ATXN10: variants seen among roughly 807,000 people sequenced by gnomAD.
The protein encoded by ATXN10 is ataxin-10.
Under a neutral mutation model 52.9 loss-of-function variants are expected in ATXN10, and 28 were observed. The observed-to-expected ratio is 0.53, with a 90% CI of 0.39 to 0.73. The LOEUF is 0.73. ATXN10 is among the 30% of genes least tolerant of loss of function. The pLI is 0.00. For missense variants in ATXN10, 565 were observed against 577.0 expected (o/e 0.98, Z 0.21); for synonymous variants, 226 against 221.5 (o/e 1.02, Z -0.18).
chr22:45,788,389 T>A (rs895462632), intron 9 of ATXN10, among the ~76,000 whole-genome samples: 1 of 151,668 alleles, frequency 6.6e-6, no homozygotes, highest in South Asian at 2.1e-4. Flanking sequence ...ATCTTCCAGT[T>A]GTTTCTTTCT....
intron 3 of ATXN10, among the ~76,000 whole-genome samples, chr22:45,693,449 C>T (rs1449138144): frequency 6.6e-6 from 1 of 152,144 alleles, no homozygotes; most frequent in South Asian, 2.1e-4. Context: ...TAGATGGTGC[C>T]TCTTGCTTTG....
intron 9 of ATXN10, among the ~76,000 whole-genome samples, chr22:45,804,860 G>T (rs1438966976): frequency 6.6e-6 from 1 of 151,784 alleles, no homozygotes; most frequent in Non-Finnish European, 1.5e-5. Flanking sequence ...TTTGTTTTTG[G>T]TTTAACCTTC....
intron 9 of ATXN10, among the ~76,000 whole-genome samples, chr22:45,743,207 A>C (rs2146806299): frequency 6.6e-6 from 1 of 152,336 alleles, no homozygotes; most frequent in Non-Finnish European, 1.5e-5. Flanking sequence ...GGTATGAAGG[A>C]GTTCATTCTT....
In ATXN10 at chr22:45,682,095, A is replaced by G. The variant is rs375444184; in HGVS notation, c.117-7617A>G. Among the ~76,000 whole-genome samples the G allele has an allele frequency of 1.1e-4, 17 of 152,160 alleles. No homozygotes were observed. The East Asian group carries it at 1.9e-3, about 17-fold the overall frequency. ...AAAAATCATCAGTTTTACCCTTTCT[A>G]TTGGATTGCACTCATCAGTTTATAG... On this transcript the variant is annotated intron_variant, in intron 1 of 11. Transcript: ENST00000252934.
At chr22:45,812,282 C>G (rs1928307005) in intron 10 of ATXN10, among the ~76,000 whole-genome samples, 1 of 152,200 alleles carries the variant, frequency 6.6e-6, no homozygotes, top group African/African-American at 2.4e-5. Flanking sequence ...TGGATTGCTT[C>G]CTAAGGGCAG....
chr22:45,782,141 A>G (rs1163399340), intron 9 of ATXN10, among the ~76,000 whole-genome samples: 3 of 152,214 alleles, frequency 2.0e-5, no homozygotes, highest in Non-Finnish European at 4.4e-5. Flanking sequence ...TCATGATCCT[A>G]TTAACCCATC....
chr22:45,704,804 A>G (rs1335002398), intron 5 of ATXN10, among the ~76,000 whole-genome samples: 1 of 152,126 alleles, frequency 6.6e-6, no homozygotes, highest in East Asian at 1.9e-4. Context: ...GGAAATTCCA[A>G]TACAATGTTG....
At chr22:45,729,065 A>G (rs947658335) in intron 6 of ATXN10, among the ~76,000 whole-genome samples, 1 of 152,224 alleles carries the variant, frequency 6.6e-6, no homozygotes, top group Admixed American at 6.5e-5. Flanking sequence ...AGCTCCGTAG[A>G]AAATGGTGAA....
rs1169560113 is a variant in ATXN10 at position 45,688,597 on chromosome 22, G to A, written c.117-1115G>A. ...GGAAAGACGTGTTTCCTCTGCCCCCGGAAAAGGGGCTTCCATAGGTGTCTT... is the reference window on the plus strand; with the variant it reads ...GGAAAGACGTGTTTCCTCTGCCCCCAGAAAAGGGGCTTCCATAGGTGTCTT... On this transcript the variant is annotated intron_variant, in intron 1 of 11. Coordinates refer to ENST00000252934, the MANE Select transcript of ATXN10 (RefSeq NM_013236.4). The surrounding 1 kb of genome is among the most constrained non-coding windows in gnomAD (Gnocchi z 4.0). 4.6e-5 allele frequency among the ~76,000 whole-genome samples: 7 copies of A among 152,196 alleles called. No individual in the cohort carries two copies. Among genetic ancestry groups the A allele is most frequent in the Non-Finnish European group, 7.3e-5 (5 of 68,028 alleles).
rs1277101773 is a variant in ATXN10, at chr22:45,733,612, T to C, written c.894+4022T>C. 6.6e-6 allele frequency among the ~76,000 whole-genome samples: 1 copy of C among 152,114 alleles called. No homozygotes were observed. Among genetic ancestry groups the C allele is most frequent in the Admixed American group, 6.5e-5 (1 of 15,274 alleles). On this transcript the variant is annotated intron_variant, in intron 7 of 11. Transcript: ENST00000252934. The surrounding 1 kb of genome is among the most constrained non-coding windows in gnomAD (Gnocchi z 4.4). The stretch of plus-strand genomic sequence containing the variant: ...TTAGCCGGGTGTGGTGGCGGATGCC[T>C]GTAATCCCAGCTACTCGGGAGGCTG...
At chr22:45,793,732 G>A in intron 9 of ATXN10, 1 of 1,449,866 alleles carries the variant, frequency 6.9e-7, no homozygotes, top group Non-Finnish European at 9.1e-7. Flanking sequence ...CTACTGAGGA[G>A]CTCTTGCCAC....
chr22:45,725,250 G>A (rs1448842499), intron 6 of ATXN10, among the ~76,000 whole-genome samples: 1 of 152,068 alleles, frequency 6.6e-6, no homozygotes. Flanking sequence ...TTGGGCATAT[G>A]ATCATTTTAA....
Position 45,840,850 on chromosome 22 carries a change from C to T in ATXN10, c.1238-2141C>T, listed in dbSNP as rs1929324058. Among the ~76,000 whole-genome samples, 1 of 152,188 alleles carries T rather than the reference C, an allele frequency of 6.6e-6. No homozygotes were observed. Among genetic ancestry groups the T allele is most frequent in the African/African-American group, 2.4e-5 (1 of 41,444 alleles). ...AGGAGTGTTATGCTTCTTTCATTTA[C>T]CATTAGAGAGTTATACTCATGAACA... On this transcript the variant is annotated intron_variant, in intron 10 of 11. Coordinates refer to ENST00000252934, the MANE Select transcript of ATXN10 (RefSeq NM_013236.4). The surrounding 1 kb of genome is among the most constrained non-coding windows in gnomAD (Gnocchi z 5.8).
rs540839182 is a variant in ATXN10, at chr22:45,680,610, C to T, written c.116+8431C>T. ...TGCAGTGGTGCCATCACAGCGCCAC[C>T]ATGCCCCGCTAATTAAAAATTTTTT... On this transcript the variant is annotated intron_variant, in intron 1 of 11. Transcript: ENST00000252934. 9.9e-5 allele frequency among the ~76,000 whole-genome samples: 15 copies of T among 151,964 alleles called. No individual in the cohort carries two copies. In the South Asian group the frequency reaches 3.1e-3, roughly 32 times the overall value.
chr22:45,699,407 T>C (rs1295263219), intron 3 of ATXN10, among the ~76,000 whole-genome samples: 1 of 152,072 alleles, frequency 6.6e-6, no homozygotes, highest in East Asian at 1.9e-4. Context: ...CTGTTGGCTT[T>C]TTGCATGTTC....
Position 45,805,064 on chromosome 22 carries a change from A to G in ATXN10, c.1174-1895A>G, listed in dbSNP as rs1278775700. On this transcript the variant is annotated intron_variant, in intron 9 of 11. Coordinates refer to ENST00000252934, the MANE Select transcript of ATXN10 (RefSeq NM_013236.4). The surrounding 1 kb of genome is among the most constrained non-coding windows in gnomAD (Gnocchi z 4.4). ...GTTTGTACCGTAGTTTATGTAAGCA[A>G]CCCCCATTCGTGGAGACTTGAGTTG... 6.6e-6 allele frequency among the ~76,000 whole-genome samples: 1 copy of G among 151,998 alleles called. No homozygotes were observed. Among genetic ancestry groups the G allele is most frequent in the Non-Finnish European group, 1.5e-5 (1 of 68,004 alleles).
chr22:45,710,820 T>G (rs1341111331), intron 5 of ATXN10, among the ~76,000 whole-genome samples: 2 of 152,332 alleles, frequency 1.3e-5, no homozygotes, highest in African/African-American at 4.8e-5. Context: ...TGGAAAAGTT[T>G]GCCAACCCCA....
At chr22:45,807,047 G>GCACA (rs752964847) in intron 10 of ATXN10, 25 bp downstream of exon 10, 132 of 1,605,492 alleles carry the variant, frequency 8.2e-5, no homozygotes, top group Non-Finnish European at 1.0e-4. Flanking sequence ...GAATTACCAT[G>GCACA]CACAAGTTTA....
chr22:45,799,373 G>T (rs533028814), intron 9 of ATXN10, among the ~76,000 whole-genome samples: 1 of 152,222 alleles, frequency 6.6e-6, no homozygotes, highest in Admixed American at 6.5e-5. Flanking sequence ...ACCTTACAAC[G>T]TGACCTTATT....
Sources: gnomAD v4.1 joint callset for allele counts (sites outside exome capture counted in the v4.1 genomes callset) on GRCh38, gnomAD v4.1.1 for gene constraint, Gnocchi (gnomAD v3.1) non-coding constraint, MANE v1.5 for transcripts, NCBI Gene and HGNC (gene_info 2026-07-23, HGNC 2026-07-21) for gene names.